DLGAP2: variants seen among roughly 807,000 people sequenced by gnomAD.
The protein encoded by DLGAP2 is DLG associated protein 2.
In DLGAP2, 26 loss-of-function variants were observed where a neutral mutation model predicts 100.3. The ratio of observed to expected loss-of-function variants is 0.26; its 90% CI spans 0.19 to 0.36. The LOEUF (loss-of-function observed/expected upper bound fraction) is 0.36. DLGAP2 is among the 10% of genes least tolerant of loss of function. The pLI is 1.00. For missense variants in DLGAP2, 1,858 were observed against 1,453.2 expected (o/e 1.28, Z -4.53); for synonymous variants, 886 against 630.1 (o/e 1.41, Z -6.08).
intron 1 of DLGAP2, among the ~76,000 whole-genome samples, chr8:818,235 T>C (rs567898374): frequency 1.3e-5 from 2 of 152,068 alleles, no homozygotes; most frequent in Non-Finnish European, 2.9e-5. Context: ...CCCAGGGGGA[T>C]TATGGCTGCC....
intron 3 of DLGAP2, among the ~76,000 whole-genome samples, chr8:1,437,579 G>A (rs887601331): frequency 2.0e-5 from 3 of 152,110 alleles, no homozygotes; most frequent in African/African-American, 7.2e-5. Context: ...CTATCTGAGT[G>A]GTGAATTAAT....
intron 2 of DLGAP2, among the ~76,000 whole-genome samples, chr8:1,061,552 G>A (rs766521558): frequency 3.3e-5 from 5 of 152,056 alleles, no homozygotes; most frequent in African/African-American, 7.2e-5. Flanking sequence ...GGGGTAAGAC[G>A]TGTGTGGACT....
chr8:790,382 T>C (rs956656498), intron 1 of DLGAP2, among the ~76,000 whole-genome samples: 1 of 152,202 alleles, frequency 6.6e-6, no homozygotes, highest in Non-Finnish European at 1.5e-5. Flanking sequence ...TGGGTCTATG[T>C]ATCTCAAGTT....
At chr8:1,166,599 A>G (rs7827676) in intron 2 of DLGAP2, among the ~76,000 whole-genome samples, 28,419 of 152,006 alleles carry the variant, frequency 0.19, 2,825 homozygotes, top group Middle Eastern at 0.35. Flanking sequence ...TATTTCTCCA[A>G]TTATTTTATC....
chr8:1,320,428 G>C (rs1800868531), intron 3 of DLGAP2, among the ~76,000 whole-genome samples: 1 of 152,114 alleles, frequency 6.6e-6, no homozygotes, highest in South Asian at 2.1e-4. Flanking sequence ...CAGTGAAAAA[G>C]GGTGGGTGCG....
rs192759627 is a variant in DLGAP2, at chr8:1,586,284, G to A, written c.1442+20390G>A. ...ATCAAGATGTTACAGTTGCGGGACC[G>A]AAGCCCCGTGTCCTTGTTGTCAGCT... On this transcript the variant is annotated intron_variant, in intron 6 of 14. Coordinates refer to ENST00000637795, the MANE Select transcript of DLGAP2 (RefSeq NM_001346810.2). Among the ~76,000 whole-genome samples the A allele has an allele frequency of 4.6e-4, 70 of 152,298 alleles. 1 individual carries two copies. The East Asian group carries it at 0.011, about 23-fold the overall frequency.
intron 3 of DLGAP2, among the ~76,000 whole-genome samples, chr8:1,320,264 C>T (rs918710437): frequency 1.3e-5 from 2 of 152,008 alleles, no homozygotes; most frequent in Non-Finnish European, 2.9e-5. Flanking sequence ...CTGAGCCCCA[C>T]TGAGTGTAGT....
intron 3 of DLGAP2, among the ~76,000 whole-genome samples, chr8:1,341,815 C>G (rs961656436): frequency 2.6e-5 from 4 of 152,214 alleles, no homozygotes; most frequent in Non-Finnish European, 5.9e-5. Flanking sequence ...TCTGCAGGCC[C>G]TGGCACATTG....
At chr8:1,299,250 C>A (rs1257370999) in intron 3 of DLGAP2, among the ~76,000 whole-genome samples, 1 of 152,204 alleles carries the variant, frequency 6.6e-6, no homozygotes, top group African/African-American at 2.4e-5. Context: ...CAGTCCTGAC[C>A]GTCCACAGAG....
At chr8:839,285 G>C (rs769217738) in intron 1 of DLGAP2, among the ~76,000 whole-genome samples, 6 of 152,178 alleles carry the variant, frequency 3.9e-5, no homozygotes, top group Non-Finnish European at 5.9e-5. Flanking sequence ...GCATTCCTAT[G>C]TTCACTGCAG....
At chr8:1,096,019 C>G (rs1422720028) in intron 2 of DLGAP2, among the ~76,000 whole-genome samples, 1 of 152,132 alleles carries the variant, frequency 6.6e-6, no homozygotes, top group Admixed American at 6.5e-5. Flanking sequence ...GATCTACATG[C>G]TAAATGAAGA....
intron 3 of DLGAP2, chr8:1,381,172 G>C (rs60675670): frequency 6.6e-6 from 1 of 152,120 alleles, no homozygotes; most frequent in East Asian, 1.9e-4. Context: ...CAAGCAACCA[G>C]AACAGGTGCT....
chr8:1,194,554 G>C, intron 2 of DLGAP2, among the ~76,000 whole-genome samples: 1 of 152,136 alleles, frequency 6.6e-6, no homozygotes, highest in East Asian at 1.9e-4. Context: ...ATCACATGCA[G>C]AGTTCAGGAC....
At chr8:1,515,834 A>G (rs1045902466) in intron 4 of DLGAP2, among the ~76,000 whole-genome samples, 3 of 152,152 alleles carry the variant, frequency 2.0e-5, no homozygotes, top group Admixed American at 2.0e-4. Context: ...TTCCCTCTGT[A>G]CTGTGCTATG....
chr8:1,652,278 T>C (rs533977426), intron 8 of DLGAP2, among the ~76,000 whole-genome samples: 1 of 152,322 alleles, frequency 6.6e-6, no homozygotes, highest in African/African-American at 2.4e-5. Flanking sequence ...TTCCTCATCC[T>C]GTTATGTATA....
chr8:899,997 C>T (rs1038089711), intron 1 of DLGAP2, among the ~76,000 whole-genome samples: 6 of 152,212 alleles, frequency 3.9e-5, no homozygotes, highest in South Asian at 4.2e-4. Context: ...GATGGGTGAC[C>T]GAAGAGAAAG....
intron 2 of DLGAP2, among the ~76,000 whole-genome samples, chr8:1,223,308 G>GT (rs989836064): frequency 4.5e-4 from 69 of 152,292 alleles, no homozygotes; most frequent in Admixed American, 3.7e-3. Flanking sequence ...ACAGTGTGCA[G>GT]GTCTATGCCA....
chr8:1,144,869 G>A (rs1056330835), intron 2 of DLGAP2, among the ~76,000 whole-genome samples: 15 of 151,988 alleles, frequency 9.9e-5, no homozygotes, highest in Non-Finnish European at 1.6e-4. Context: ...TGTATGAACA[G>A]TCAAACCACA....
intron 1 of DLGAP2, among the ~76,000 whole-genome samples, chr8:789,368 G>A (rs901080083): frequency 6.6e-6 from 1 of 152,146 alleles, no homozygotes; most frequent in African/African-American, 2.4e-5. Context: ...AGAGTGAAGG[G>A]GGAGGTGCTA....
Sources: allele counts gnomAD v4.1 joint callset (sites outside exome capture counted in the v4.1 genomes callset), GRCh38; gene constraint gnomAD v4.1.1; transcripts MANE v1.5; gene names NCBI Gene and HGNC (gene_info 2026-07-23, HGNC 2026-07-21).